Variants in ARHGAP15 observed in about 807,000 individuals in gnomAD.
ARHGAP15 encodes rho GTPase-activating protein 15.
A neutral mutation model predicts 63.7 loss-of-function variants in ARHGAP15; 51 were observed. The observed-to-expected ratio is 0.80, with a 90% confidence interval of 0.64 to 1.01. The LOEUF is 1.01. ARHGAP15 is among the 50% of genes least tolerant of loss of function. The pLI is 0.00. For synonymous variants in ARHGAP15, 191 were observed against 193.8 expected, an observed-to-expected ratio of 0.99 and a Z score of 0.12; for missense variants, 560 against 564.6, an observed-to-expected ratio of 0.99 and a Z score of 0.08.
At chr2:143,190,622 G>A (rs751317569) in intron 2 of ARHGAP15, among the ~76,000 whole-genome samples, 3 of 152,164 alleles carry the variant, frequency 2.0e-5, no homozygotes, top group Non-Finnish European at 2.9e-5. Flanking sequence ...TCTGGGAGCC[G>A]TCAGCTGACT....
intron 10 of ARHGAP15, among the ~76,000 whole-genome samples, chr2:143,525,960 A>AAGAG (rs1243233459): frequency 6.6e-6 from 1 of 152,164 alleles, no homozygotes; most frequent in African/African-American, 2.4e-5. Flanking sequence ...AAGAGAAGAC[A>AAGAG]AACTAGTGAA....
chr2:143,468,421 A>G (rs936730398), intron 8 of ARHGAP15, among the ~76,000 whole-genome samples: 1 of 152,148 alleles, frequency 6.6e-6, no homozygotes, highest in African/African-American at 2.4e-5. Flanking sequence ...CATAAGGTGA[A>G]TATGGCTGTG....
At chr2:143,752,348 G>T (rs1409722377) in intron 13 of ARHGAP15, among the ~76,000 whole-genome samples, 4 of 152,152 alleles carry the variant, frequency 2.6e-5, no homozygotes, top group Non-Finnish European at 5.9e-5. Flanking sequence ...CATTGACCTT[G>T]GAGTTACTAT....
chr2:143,736,304 G>A (rs1392822970), intron 13 of ARHGAP15, among the ~76,000 whole-genome samples: 2 of 151,904 alleles, frequency 1.3e-5, no homozygotes, highest in African/African-American at 2.4e-5. Context: ...GCTGAGGCAG[G>A]AGATTCATTT....
intron 2 of ARHGAP15, among the ~76,000 whole-genome samples, chr2:143,171,778 G>A (rs76187479): frequency 1.3e-5 from 2 of 152,002 alleles, no homozygotes; most frequent in East Asian, 1.9e-4. Flanking sequence ...ACCATTAAAG[G>A]TTCCATTTGG....
intron 12 of ARHGAP15, among the ~76,000 whole-genome samples, chr2:143,645,624 A>G (rs1446682947): frequency 6.6e-6 from 1 of 152,026 alleles, no homozygotes; most frequent in Non-Finnish European, 1.5e-5. Context: ...TTTATTTTTC[A>G]TTATCAAATA....
At chr2:143,484,347 C>G (rs1692215194) in intron 8 of ARHGAP15, among the ~76,000 whole-genome samples, 1 of 130,682 alleles carries the variant, frequency 7.7e-6, no homozygotes, top group Non-Finnish European at 1.6e-5. Context: ...GCGTGGGCAA[C>G]AGAGAGAGAC....
intron 6 of ARHGAP15, among the ~76,000 whole-genome samples, chr2:143,354,535 G>A (rs926273638): frequency 8.6e-5 from 13 of 151,978 alleles, no homozygotes; most frequent in Admixed American, 8.5e-4. Context: ...GGAGTTTTAC[G>A]GAGAACAGTA....
At chr2:143,612,112 CA>C in intron 11 of ARHGAP15, among the ~76,000 whole-genome samples, 1 of 152,300 alleles carries the variant, frequency 6.6e-6, no homozygotes, top group Middle Eastern at 3.4e-3. Context: ...TCACATCTAA[CA>C]GAGACCATTT....
chr2:143,382,314 G>T (rs191054091), intron 6 of ARHGAP15, among the ~76,000 whole-genome samples: 1 of 152,104 alleles, frequency 6.6e-6, no homozygotes, highest in South Asian at 2.1e-4. Flanking sequence ...TTCAGGGCAC[G>T]CTCCCACTGA....
intron 10 of ARHGAP15, among the ~76,000 whole-genome samples, chr2:143,546,938 T>C (rs1370151950): frequency 6.6e-6 from 1 of 152,106 alleles, no homozygotes; most frequent in African/African-American, 2.4e-5. Flanking sequence ...AAAAAGAAGA[T>C]GTAAGATTTG....
chr2:143,749,086 G>A (rs1390040528), intron 13 of ARHGAP15, among the ~76,000 whole-genome samples: 2 of 152,046 alleles, frequency 1.3e-5, no homozygotes, highest in East Asian at 3.9e-4. Flanking sequence ...TATCTACACT[G>A]ATTAAAGATT....
intron 11 of ARHGAP15, among the ~76,000 whole-genome samples, chr2:143,558,021 G>A (rs922903352): frequency 3.9e-5 from 6 of 151,966 alleles, no homozygotes; most frequent in Admixed American, 3.9e-4. Context: ...ATTAAACTGG[G>A]TAGCATCTAT....
chr2:143,274,745 A>G (rs1681457244), intron 6 of ARHGAP15, among the ~76,000 whole-genome samples: 2 of 152,200 alleles, frequency 1.3e-5, no homozygotes, highest in South Asian at 4.1e-4. Context: ...AGAATTTCAT[A>G]ACGACATTAA....
At chr2:143,733,069 G>T (rs890045108) in intron 13 of ARHGAP15, among the ~76,000 whole-genome samples, 2 of 152,068 alleles carry the variant, frequency 1.3e-5, no homozygotes, top group African/African-American at 4.8e-5. Flanking sequence ...GAAAGTCTTT[G>T]TCCAGGATTT....
At chr2:143,413,966 T>TGTGTGCGTGTGCGC in intron 6 of ARHGAP15, among the ~76,000 whole-genome samples, 1 of 117,910 alleles carries the variant, frequency 8.5e-6, no homozygotes, top group African/African-American at 3.5e-5. Flanking sequence ...TGTGTGTGTG[T>TGTGTGCGTGTGCGC]GCGCGCTCTC....
chr2:143,707,967 A>T (rs541550084), intron 13 of ARHGAP15, among the ~76,000 whole-genome samples: 1 of 152,304 alleles, frequency 6.6e-6, no homozygotes, highest in South Asian at 2.1e-4. Context: ...GAGTTGTTGG[A>T]TTGTGAGAGT....
rs572233134 is a variant in ARHGAP15, at chr2:143,738,496, A to T, written c.1245-29493A>T. Among the ~76,000 whole-genome samples, 43 of 152,330 alleles carry T rather than the reference A, an allele frequency of 2.8e-4. 1 individual carries two copies. Among genetic ancestry groups the T allele is most frequent in the African/African-American group, 9.1e-4 (38 of 41,574 alleles). On this transcript the variant is annotated intron_variant, in intron 13 of 13. Transcript: ENST00000295095. ...GGTTAAAGCAGACTTGAGCCAGATC[A>T]ATTCCTTTGACTTGAACAACTTCCG... is the stretch of plus-strand genomic sequence containing the variant.
intron 2 of ARHGAP15, among the ~76,000 whole-genome samples, chr2:143,163,774 T>A (rs1057303474): frequency 6.6e-5 from 10 of 152,192 alleles, no homozygotes; most frequent in African/African-American, 2.4e-4. Flanking sequence ...TTAGAAAGAT[T>A]TGCTATTTGG....
Sources: gnomAD v4.1 joint callset for allele counts (sites outside exome capture counted in the v4.1 genomes callset) on GRCh38, gnomAD v4.1.1 for gene constraint, MANE v1.5 for transcripts, NCBI Gene and HGNC (gene_info 2026-07-23, HGNC 2026-07-21) for gene names.